TMEM101: variants seen among roughly 807,000 people sequenced by gnomAD.
The protein encoded by TMEM101 is putative NF-kappa-B-activating protein 130.
In TMEM101, 14 loss-of-function variants were observed where a neutral mutation model predicts 26.0. That is an observed-to-expected ratio of 0.54 (90% CI 0.36 to 0.84). TMEM101 has a LOEUF of 0.84. TMEM101 is among the 40% of genes least tolerant of loss of function. The pLI is 0.01. For missense variants in TMEM101, 292 were observed against 345.1 expected, an observed-to-expected ratio of 0.85 and a Z score of 1.22; for synonymous variants, 152 against 145.1, an observed-to-expected ratio of 1.05 and a Z score of -0.34.
chr17:44,018,690 A>G (rs1430185143), upstream of TMEM101, among the ~76,000 whole-genome samples: 1 of 152,142 alleles, frequency 6.6e-6, no homozygotes, highest in Non-Finnish European at 1.5e-5. Context: ...GGTTGTCCCT[A>G]TAGGCACAAT....
At chr17:44,019,880 G>A (rs922172772), upstream of TMEM101, among the ~76,000 whole-genome samples, 2 of 152,268 alleles carry the variant, frequency 1.3e-5, 1 homozygote, top group South Asian at 4.1e-4. Flanking sequence ...AGAATTGTCA[G>A]GGATATACAC....
intron 1 of TMEM101, among the ~76,000 whole-genome samples, chr17:44,022,860 A>T (rs2049298033): frequency 6.6e-6 from 1 of 152,154 alleles, no homozygotes; most frequent in South Asian, 2.1e-4. Context: ...ATGAGGGGAG[A>T]AGAAAAGGTG....
chr17:44,021,051 A>G (rs2049279988), intron 2 of TMEM101, among the ~76,000 whole-genome samples: 1 of 152,172 alleles, frequency 6.6e-6, no homozygotes, highest in South Asian at 2.1e-4. Flanking sequence ...TCCAATAGCT[A>G]CAAGGTCAGC....
intron 2 of TMEM101, among the ~76,000 whole-genome samples, chr17:44,020,298 G>A (rs1363277866): frequency 3.3e-5 from 5 of 152,202 alleles, no homozygotes; most frequent in Non-Finnish European, 7.3e-5. Context: ...GGGCCCCCCA[G>A]GGAACAGGAA....
intron 3 of TMEM101, 198 bp from the exon 4 acceptor site, chr17:44,012,434 C>T (rs1275324922): frequency 8.4e-6 from 5 of 594,926 alleles, no homozygotes; most frequent in Non-Finnish European, 1.5e-5. Flanking sequence ...GCCCATGTCT[C>T]CCCTCACCCT....
At position 44,012,128 on chromosome 17, in the gene TMEM101, G is replaced by C; in HGVS notation, c.574C>G (p.Leu192Val). The change falls in exon 4 of 4, where the codon CTG becomes GTG. Residue 192 changes from leucine to valine, a missense_variant. Leu to Val is a conservative substitution (Grantham distance 32). Transcript: ENST00000206380. ...ACGTAGTAGCCTGACAGAAAGGCCA[G>C]GGCCAGGATGCCATACAGCACGAAG... ...LFFVLYGILA[L>V]AFLSGYYVTL... The C allele has an allele frequency of 6.2e-7, 1 of 1,614,254 alleles. No individual in the cohort carries two copies. Among genetic ancestry groups the C allele is most frequent in the Non-Finnish European group, 8.5e-7 (1 of 1,180,036 alleles).
At chr17:44,014,316 G>A in intron 2 of TMEM101, 41 bp downstream of exon 2, 2 of 1,530,586 alleles carry the variant, frequency 1.3e-6, no homozygotes, top group Admixed American at 2.0e-5. Flanking sequence ...CTGATTCCCC[G>A]TCACCCAGAG....
chr17:44,015,148 A>G (rs1419277444), upstream of TMEM101: 1 of 607,796 alleles, frequency 1.6e-6, no homozygotes, highest in African/African-American at 1.9e-5. Flanking sequence ...TCAGGGCCAT[A>G]TTTGTCCCTG....
At chr17:44,015,980 G>C (rs1287144795), upstream of TMEM101, among the ~76,000 whole-genome samples, 2 of 151,976 alleles carry the variant, frequency 1.3e-5, no homozygotes, top group African/African-American at 4.8e-5. Context: ...CAGACATCCA[G>C]GTGGTCTCTG....
chr17:44,018,645 A>G (rs1347405482), upstream of TMEM101, among the ~76,000 whole-genome samples: 1 of 152,166 alleles, frequency 6.6e-6, no homozygotes, highest in Non-Finnish European at 1.5e-5. Context: ...GATTGTGTAC[A>G]ACATGTCCAT....
chr17:44,015,264 G>A, upstream of TMEM101: 1 of 238,140 alleles, frequency 4.2e-6, no homozygotes, highest in Non-Finnish European at 8.2e-6. Context: ...AATGCAGCCC[G>A]ATCAGGGCCC....
chr17:44,016,182 T>C (rs1355520279), upstream of TMEM101, among the ~76,000 whole-genome samples: 4 of 152,074 alleles, frequency 2.6e-5, no homozygotes, highest in Non-Finnish European at 5.9e-5. Flanking sequence ...ATGCTTTTTT[T>C]TTATTTTTGA....
Position 44,013,045 on chromosome 17 carries a change from G to A in TMEM101, c.429C>T (p.Thr143=), listed in dbSNP as rs201444936. The change falls in exon 3 of 4, where the codon ACC becomes ACT. Residue 143 remains threonine (T), a synonymous_variant. Transcript: ENST00000206380. ...GGTAGATACCCAGGAACACCTGGCC[G>A]GTGGACTGCAGGGAGCGGCTGCGAG... is the stretch of plus-strand genomic sequence containing the variant. ...RKPRSRSLQS[T]GQVFLGIYLI... The A allele has an allele frequency of 2.2e-4, 351 of 1,607,926 alleles. No homozygotes were observed. The highest frequency in any genetic ancestry group is 2.7e-4 in the Non-Finnish European group (322 of 1,175,360).
In TMEM101 at chr17:44,014,426, T is replaced by G. The variant is rs1215942471; in HGVS notation, c.249A>C (p.Ala83=). Residue 83 remains alanine (A), a synonymous_variant, in exon 2 of 4, where the codon GCA becomes GCC. Coordinates refer to ENST00000206380, the MANE Select transcript of TMEM101 (RefSeq NM_032376.4). ...VKRRWFALGA[A]LQLAISTYAA... is the part of the protein sequence containing the mutation. ...CGTAGGTGCTAATGGCCAATTGGAG[T>G]GCGGCCCCCAGCGCGAACCAGCGCC... The G allele has an allele frequency of 6.4e-7, 1 of 1,556,626 alleles. No homozygotes were observed. The highest frequency in any genetic ancestry group is 2.4e-5 in the East Asian group (1 of 41,570).
At position 44,013,005 on chromosome 17, in the gene TMEM101, A is replaced by T; in HGVS notation, c.465+4T>A. The T allele has an allele frequency of 6.3e-7, 1 of 1,585,028 alleles. No individual in the cohort carries two copies. The highest frequency in any genetic ancestry group is 8.6e-7 in the Non-Finnish European group (1 of 1,159,440). The stretch of plus-strand genomic sequence containing the variant: ...CACCTCCAACCAACAGTCCCCCAAC[A>T]TACCACACAGATGAGGTAGATACCC... On this transcript the variant is annotated splice_donor_region_variant and intron_variant, in intron 3 of 3. Transcript: ENST00000206380.
At chr17:44,021,991 AG>A (rs1465029863) in intron 1 of TMEM101, among the ~76,000 whole-genome samples, 1 of 152,184 alleles carries the variant, frequency 6.6e-6, no homozygotes, top group African/African-American at 2.4e-5. Flanking sequence ...CCACAGATCT[AG>A]GGTCAGTTGC....
chr17:44,014,353 T>C lies in TMEM101; in HGVS notation c.318+4A>G. 6.5e-7 allele frequency: 1 copy of C among 1,545,532 alleles called. No individual in the cohort carries two copies. The highest frequency in any genetic ancestry group is 8.8e-7 in the Non-Finnish European group (1 of 1,141,926). On this transcript the variant is annotated splice_donor_region_variant and intron_variant, in intron 2 of 3. Transcript: ENST00000206380. The stretch of plus-strand genomic sequence containing the variant: ...GAAGACCCTTTTGGGGCCGAGGCGC[T>C]CACCTTCAGCCAGTCCCCGTAGTGG...
intron 3 of TMEM101, 146 bp from the exon 4 acceptor site, chr17:44,012,382 C>T (rs2049172559): frequency 2.8e-6 from 2 of 719,296 alleles, no homozygotes; most frequent in Non-Finnish European, 4.5e-6. Flanking sequence ...GAAAGTAGGG[C>T]CTTTGTCTCC....
chr17:44,017,852 C>T (rs943335193), upstream of TMEM101, among the ~76,000 whole-genome samples: 20 of 152,058 alleles, frequency 1.3e-4, no homozygotes, highest in Non-Finnish European at 2.9e-4. Flanking sequence ...CCACTAGGGT[C>T]GGGCATGGTG....
Sources: gnomAD v4.1 joint callset for allele counts (sites outside exome capture counted in the v4.1 genomes callset) on GRCh38, gnomAD v4.1.1 for gene constraint, MANE v1.5 for transcripts, NCBI Gene and HGNC (gene_info 2026-07-23, HGNC 2026-07-21) for gene names.